The following PSMA8 variants were observed in gnomAD, a reference collection of about 807,000 sequenced individuals.
The protein encoded by PSMA8 is proteasome 20S subunit alpha 8.
Under a neutral mutation model 32.4 loss-of-function variants are expected in PSMA8, and 18 were observed. The observed-to-expected ratio is 0.56, with a 90% CI of 0.38 to 0.82. The LOEUF is 0.82. Among genes scored for constraint, PSMA8 ranks in the 40% least tolerant of loss-of-function variants. The pLI is 0.00. For missense variants in PSMA8, 298 were observed against 300.7 expected (o/e 0.99, Z 0.07); for synonymous variants, 104 against 98.1 (o/e 1.06, Z -0.36).
At chr18:26,172,160 G>A (rs2055227514) in intron 4 of PSMA8, among the ~76,000 whole-genome samples, 1 of 152,116 alleles carries the variant, frequency 6.6e-6, no homozygotes, top group South Asian at 2.1e-4. Flanking sequence ...ACAGCCCAAG[G>A]CACATGATAT....
At chr18:26,175,971 A>C (rs2055260669) in intron 4 of PSMA8, among the ~76,000 whole-genome samples, 1 of 152,200 alleles carries the variant, frequency 6.6e-6, no homozygotes, top group Non-Finnish European at 1.5e-5. Flanking sequence ...TTCAGTAGTC[A>C]CATTGCCTAG....
At chr18:26,138,437 GGAAAGT>G (rs2054929436) in intron 1 of PSMA8, among the ~76,000 whole-genome samples, 1 of 152,156 alleles carries the variant, frequency 6.6e-6, no homozygotes, top group Admixed American at 6.5e-5. Context: ...TTCCACATTA[GGAAAGT>G]GAAAAGCCAA....
intron 4 of PSMA8, among the ~76,000 whole-genome samples, chr18:26,178,554 G>T (rs1418884622): frequency 6.7e-6 from 1 of 150,116 alleles, no homozygotes; most frequent in Non-Finnish European, 1.5e-5. Context: ...AGCTATAATT[G>T]TGCCACTACT....
chr18:26,185,149 A>G lies in PSMA8; in HGVS notation c.660+6019A>G, dbSNP rs542095283. Among the ~76,000 whole-genome samples the G allele has an allele frequency of 2.7e-4, 40 of 150,484 alleles. 1 individual carries two copies. The South Asian group carries it at 8.3e-3, about 31-fold the overall frequency. ...CATTTGAAAATTGTTTCTACTGAAA[A>G]TGAAAATTCTCCTTGGAAAAAAATT... On this transcript the variant is annotated intron_variant, in intron 6 of 6. Transcript: ENST00000415576.
At chr18:26,175,004 GA>G (rs1445711123) in intron 4 of PSMA8, among the ~76,000 whole-genome samples, 1 of 152,174 alleles carries the variant, frequency 6.6e-6, no homozygotes, top group African/African-American at 2.4e-5. Flanking sequence ...CCTCAGGGCT[GA>G]AAAGACTTTA....
At chr18:26,182,698 C>T (rs549173287) in intron 6 of PSMA8, among the ~76,000 whole-genome samples, 2 of 152,350 alleles carry the variant, frequency 1.3e-5, no homozygotes, top group South Asian at 4.1e-4. Context: ...GGCATAGTGG[C>T]TCACACCTAT....
chr18:26,158,822 G>C (rs1036952626), intron 4 of PSMA8, among the ~76,000 whole-genome samples: 1 of 152,054 alleles, frequency 6.6e-6, no homozygotes, highest in Non-Finnish European at 1.5e-5. Context: ...AAAGTATAGG[G>C]CTCAGCCAGG....
chr18:26,175,095 A>G (rs2055253539), intron 4 of PSMA8, among the ~76,000 whole-genome samples: 1 of 152,172 alleles, frequency 6.6e-6, no homozygotes, highest in Admixed American at 6.6e-5. Context: ...TTATACTTCA[A>G]AATAATGGAA....
rs2055215984 is a variant in PSMA8, at chr18:26,170,977, G to T, written c.478-7853G>T. 6 of 1,556,292 alleles carry T rather than the reference G, an allele frequency of 3.9e-6. No homozygotes were observed. In the Admixed American group the frequency reaches 9.1e-5, roughly 24 times the overall value. On this transcript the variant is annotated intron_variant, in intron 4 of 6. Transcript: ENST00000415576. ...ATGTCTACTTTATTTGCTAATTCTGGTTGTTCAGTAAGTTTTAAGGCATCA... is the reference window on the plus strand; with the variant it reads ...ATGTCTACTTTATTTGCTAATTCTGTTTGTTCAGTAAGTTTTAAGGCATCA...
At chr18:26,141,678 T>A (rs1185611692) in intron 1 of PSMA8, among the ~76,000 whole-genome samples, 2 of 148,728 alleles carry the variant, frequency 1.3e-5, no homozygotes, top group Non-Finnish European at 2.9e-5. Flanking sequence ...AAAAGCGTAG[T>A]TCTTTTTTTT....
chr18:26,185,074 C>G (rs532456587), intron 6 of PSMA8, among the ~76,000 whole-genome samples: 1 of 121,148 alleles, frequency 8.3e-6, no homozygotes, highest in African/African-American at 3.3e-5. Context: ...GCAACAAGAG[C>G]GAAACTCCAT....
intron 3 of PSMA8, among the ~76,000 whole-genome samples, chr18:26,157,275 G>A (rs575995384): frequency 3.3e-5 from 5 of 151,818 alleles, no homozygotes; most frequent in African/African-American, 4.8e-5. Flanking sequence ...TCCTTAGACC[G>A]GGCGCGGTGG....
At chr18:26,178,232 A>C (rs1401480819) in intron 4 of PSMA8, among the ~76,000 whole-genome samples, 1 of 152,076 alleles carries the variant, frequency 6.6e-6, no homozygotes, top group African/African-American at 2.4e-5. Flanking sequence ...GAATATATAA[A>C]TAAAATAATT....
At chr18:26,180,086 A>C (rs913845204) in intron 6 of PSMA8, among the ~76,000 whole-genome samples, 4 of 152,050 alleles carry the variant, frequency 2.6e-5, no homozygotes, top group African/African-American at 7.3e-5. Flanking sequence ...CCCCGTCTCT[A>C]CTAAAAATAC....
At chr18:26,178,583 C>A (rs1384689065) in intron 4 of PSMA8, among the ~76,000 whole-genome samples, 1 of 152,314 alleles carries the variant, frequency 6.6e-6, no homozygotes, top group South Asian at 2.1e-4. Flanking sequence ...GCCTGGGCAA[C>A]AGAGTGAGAT....
chr18:26,138,374 G>C (rs1401375385), intron 1 of PSMA8, among the ~76,000 whole-genome samples: 1 of 152,168 alleles, frequency 6.6e-6, no homozygotes, highest in African/African-American at 2.4e-5. Context: ...GAACTGTTGG[G>C]ATGTGGGTCC....
intron 3 of PSMA8, among the ~76,000 whole-genome samples, chr18:26,152,959 A>G (rs1046285020): frequency 3.3e-5 from 5 of 152,162 alleles, no homozygotes; most frequent in Non-Finnish European, 7.3e-5. Flanking sequence ...GTAAGAAGCA[A>G]ATGTCTGTTC....
At chr18:26,181,948 G>C (rs932226077) in intron 6 of PSMA8, among the ~76,000 whole-genome samples, 19 of 151,226 alleles carry the variant, frequency 1.3e-4, no homozygotes, top group Admixed American at 5.3e-4. Context: ...AACCAGTCTT[G>C]TTACTGATAT....
intron 6 of PSMA8, among the ~76,000 whole-genome samples, chr18:26,183,924 G>T (rs367908785): frequency 6.6e-6 from 1 of 150,838 alleles, no homozygotes; most frequent in South Asian, 2.1e-4. Context: ...TGATGAGTCA[G>T]CTCCATCATC....
Sources: gnomAD v4.1 joint callset for allele counts (sites outside exome capture counted in the v4.1 genomes callset) on GRCh38, gnomAD v4.1.1 for gene constraint, MANE v1.5 for transcripts, NCBI Gene and HGNC (gene_info 2026-07-23, HGNC 2026-07-21) for gene names.